The following OSBPL9 variants were observed in gnomAD, a reference collection of about 807,000 sequenced individuals.
OSBPL9 encodes oxysterol-binding protein-related protein 9.
Under a neutral mutation model 106.6 loss-of-function variants are expected in OSBPL9, and 40 were observed. The observed-to-expected ratio is 0.38, with a 90% confidence interval of 0.29 to 0.49. The LOEUF (loss-of-function observed/expected upper bound fraction) is 0.49, where lower values mean the gene tolerates loss of function less well. OSBPL9 is among the 20% of genes least tolerant of loss of function. OSBPL9 has a pLI of 0.97. For missense variants in OSBPL9, 609 were observed against 887.2 expected (o/e 0.69, Z 3.98); for synonymous variants, 269 against 295.4 (o/e 0.91, Z 0.92).
At chr1:51,728,553 T>C (rs1327751737) in intron 4 of OSBPL9, among the ~76,000 whole-genome samples, 5 of 152,164 alleles carry the variant, frequency 3.3e-5, no homozygotes, top group East Asian at 1.9e-4. Flanking sequence ...CAGGGAGCCC[T>C]GGCAGAGTAC....
At chr1:51,664,516 C>G (rs1041968729) in intron 2 of OSBPL9, among the ~76,000 whole-genome samples, 1 of 151,902 alleles carries the variant, frequency 6.6e-6, no homozygotes, top group Non-Finnish European at 1.5e-5. Flanking sequence ...CATGGTGAAC[C>G]CTGTCTCTAC....
intron 1 of OSBPL9, among the ~76,000 whole-genome samples, chr1:51,593,976 T>C (rs2148602099): frequency 6.7e-6 from 1 of 150,256 alleles, no homozygotes; most frequent in East Asian, 2.0e-4. Context: ...GCTGAAACAG[T>C]ACTATTGAAC....
At chr1:51,527,958 C>CA in the OSBPL9 span, among the ~76,000 whole-genome samples, 7 of 141,380 alleles carry the variant, frequency 5.0e-5, no homozygotes, top group South Asian at 6.8e-4. Context: ...ACTAAAAATA[C>CA]AAAAAAAAAA....
At chr1:51,754,736 A>G (rs549766607) in intron 8 of OSBPL9, among the ~76,000 whole-genome samples, 7 of 152,350 alleles carry the variant, frequency 4.6e-5, no homozygotes, top group South Asian at 4.1e-4. Context: ...TATTATTTCA[A>G]CATGTAATCA....
At position 51,678,425 on chromosome 1, in the gene OSBPL9, C is replaced by G. The variant is rs187941067; in HGVS notation, c.241+8913C>G. On this transcript the variant is annotated intron_variant, in intron 3 of 23. Coordinates refer to ENST00000428468, the MANE Select transcript of OSBPL9 (RefSeq NM_024586.6). ...CCTGTAATTTCAGCACTTTGGGAGGCCAAGGCGGGCGGATCATCTGAGGTC... is the reference window on the plus strand; with the variant it reads ...CCTGTAATTTCAGCACTTTGGGAGGGCAAGGCGGGCGGATCATCTGAGGTC... Among the ~76,000 whole-genome samples, 126 of 152,206 alleles carry G rather than the reference C, an allele frequency of 8.3e-4. 1 individual carries two copies. Among genetic ancestry groups the G allele is most frequent in the African/African-American group, 2.9e-3 (122 of 41,534 alleles).
chr1:51,602,463 C>T (rs1645329597), intron 2 of OSBPL9, among the ~76,000 whole-genome samples: 1 of 125,750 alleles, frequency 8.0e-6, no homozygotes, highest in Admixed American at 8.6e-5. Context: ...TACTTTGTTG[C>T]CCAGGCTGGA....
intron 1 of OSBPL9, among the ~76,000 whole-genome samples, chr1:51,645,348 T>C (rs1646084418): frequency 6.6e-6 from 1 of 152,228 alleles, no homozygotes; most frequent in African/African-American, 2.4e-5. Flanking sequence ...GTTGTCTTTT[T>C]ATTGTTGAGT....
chr1:51,726,227 C>G (rs1344538280), intron 4 of OSBPL9, among the ~76,000 whole-genome samples: 2 of 152,118 alleles, frequency 1.3e-5, no homozygotes, highest in Non-Finnish European at 2.9e-5. Flanking sequence ...GCCTGTTGGT[C>G]TCCTAATTTG....
chr1:51,602,038 T>TTTTTTTTTTTTTA (rs397980183), intron 2 of OSBPL9, among the ~76,000 whole-genome samples: 3 of 144,624 alleles, frequency 2.1e-5, no homozygotes, highest in Non-Finnish European at 4.5e-5. Flanking sequence ...TTTTTTTTTT[T>TTTTTTTTTTTTTA]GAGACGGAGT....
chr1:51,532,861 G>T, the OSBPL9 span, among the ~76,000 whole-genome samples: 2 of 152,136 alleles, frequency 1.3e-5, no homozygotes, highest in Non-Finnish European at 2.9e-5. Context: ...ATAAGGCCCA[G>T]GAAGGGATCA....
chr1:51,762,079 TTC>T, intron 11 of OSBPL9, 108 bp downstream of exon 11: 1 of 754,532 alleles, frequency 1.3e-6, no homozygotes, highest in Non-Finnish European at 2.3e-6. Flanking sequence ...GTTGTATATT[TTC>T]TGTTGGAGAT....
chr1:51,614,176 A>C (rs1644008578), upstream of OSBPL9: 1 of 152,272 alleles, frequency 6.6e-6, no homozygotes, highest in Non-Finnish European at 1.5e-5. Flanking sequence ...AGGAAAAGAA[A>C]GGAAAAGAGA....
chr1:51,773,546 G>A (rs1193340759), intron 14 of OSBPL9, among the ~76,000 whole-genome samples: 3 of 152,150 alleles, frequency 2.0e-5, no homozygotes, highest in Non-Finnish European at 2.9e-5. Context: ...TTTAAAACCT[G>A]TAATCTTTCC....
chr1:51,732,634 C>T lies in OSBPL9; in HGVS notation c.319-12902C>T, dbSNP rs566038297. 1.1e-4 allele frequency among the ~76,000 whole-genome samples: 16 copies of T among 152,316 alleles called. No homozygotes were observed. In the South Asian group the frequency reaches 1.7e-3, roughly 16 times the overall value. ...TTAGTAATATTTTTCAGATTCGTCACTTTTTTCTAGATGATAATGCTTTAA... is the reference window on the plus strand; with the variant it reads ...TTAGTAATATTTTTCAGATTCGTCATTTTTTTCTAGATGATAATGCTTTAA... On this transcript the variant is annotated intron_variant, in intron 4 of 23. Coordinates refer to ENST00000428468, the MANE Select transcript of OSBPL9 (RefSeq NM_024586.6).
chr1:51,772,124 A>G lies in OSBPL9; in HGVS notation c.993A>G (p.Lys331=), dbSNP rs1557847803. The part of the protein sequence containing the change: ...LTHSSSGNSL[K]RPDTTESLNS... Reference sequence around the variant, plus strand: ...ACAGCAGCTCGGGAAATAGTCTAAAACGCCCAGATACCACAGAATCACTTA... The same window carrying G: ...ACAGCAGCTCGGGAAATAGTCTAAAGCGCCCAGATACCACAGAATCACTTA... Residue 331 remains lysine (K), a synonymous_variant, in exon 13 of 24, where the codon AAA becomes AAG. Coordinates refer to ENST00000428468, the MANE Select transcript of OSBPL9 (RefSeq NM_024586.6). 1 of 1,614,062 alleles carries G rather than the reference A, an allele frequency of 6.2e-7. No homozygotes were observed. Among genetic ancestry groups the G allele is most frequent in the Non-Finnish European group, 8.5e-7 (1 of 1,179,932 alleles).
Position 51,772,120 on chromosome 1 carries a change from T to C in OSBPL9, c.989T>C (p.Leu330Pro). The change falls in exon 13 of 24, where the codon CTA (leucine) becomes CCA (proline). Residue 330 changes from leucine (L) to proline (P), a missense_variant. This residue lies in a region of OSBPL9 where 356 missense variants were observed against 505.8 expected (regional missense o/e 0.70). Coordinates refer to ENST00000428468, the MANE Select transcript of OSBPL9 (RefSeq NM_024586.6). Reference sequence around the variant, plus strand: ...ACACACAGCAGCTCGGGAAATAGTCTAAAACGCCCAGATACCACAGAATCA... The same window carrying C: ...ACACACAGCAGCTCGGGAAATAGTCCAAAACGCCCAGATACCACAGAATCA... Reference protein sequence around the residue: ...VLTHSSSGNSLKRPDTTESLN... With the variant: ...VLTHSSSGNSPKRPDTTESLN... 1 of 1,614,104 alleles carries C rather than the reference T, an allele frequency of 6.2e-7. No homozygotes were observed. Among genetic ancestry groups the C allele is most frequent in the East Asian group, 2.2e-5 (1 of 44,888 alleles).
chr1:51,624,728 T>C (rs1644668411), intron 1 of OSBPL9, among the ~76,000 whole-genome samples: 1 of 152,272 alleles, frequency 6.6e-6, no homozygotes, highest in Admixed American at 6.5e-5. Flanking sequence ...TTGAATACTT[T>C]AGACAGTCTT....
intron 3 of OSBPL9, among the ~76,000 whole-genome samples, chr1:51,686,767 G>T (rs962758013): frequency 1.3e-5 from 2 of 152,184 alleles, no homozygotes; most frequent in African/African-American, 4.8e-5. Flanking sequence ...TTAAGGGTCA[G>T]GGAGTCAAAC....
intron 1 of OSBPL9, among the ~76,000 whole-genome samples, chr1:51,618,074 A>G (rs11205872): frequency 0.24 from 36,985 of 151,026 alleles, 6,348 homozygotes; most frequent in African/African-American, 0.48. Context: ...CTGGCGTGCA[A>G]TGGCATCATC....
Sources: allele counts gnomAD v4.1 joint callset (sites outside exome capture counted in the v4.1 genomes callset), GRCh38; gene constraint gnomAD v4.1.1; regional missense constraint gnomAD v4.1.1; transcripts MANE v1.5; gene names NCBI Gene and HGNC (gene_info 2026-07-23, HGNC 2026-07-21).